Variants in MPPED1 observed in about 807,000 individuals in gnomAD.
MPPED1 encodes the protein metallophosphoesterase domain-containing protein 1.
A neutral mutation model predicts 36.2 loss-of-function variants in MPPED1; 16 were observed. That is an observed-to-expected ratio of 0.44 (90% CI 0.30 to 0.67). The LOEUF (loss-of-function observed/expected upper bound fraction) is 0.67, where lower values mean the gene tolerates loss of function less well. MPPED1 is among the 30% of genes least tolerant of loss of function. MPPED1 has a pLI of 0.10. For synonymous variants in MPPED1, 199 were observed against 191.3 expected (o/e 1.04, Z -0.33); for missense variants, 307 against 453.4 (o/e 0.68, Z 2.93).
chr22:43,416,293 T>G (rs1274424740), intron 1 of MPPED1, among the ~76,000 whole-genome samples: 2 of 152,234 alleles, frequency 1.3e-5, no homozygotes, highest in Non-Finnish European at 2.9e-5. Context: ...TGCAAATTCC[T>G]GCACCATCAC....
At chr22:43,482,335 C>T (rs906105030) in intron 4 of MPPED1, among the ~76,000 whole-genome samples, 2 of 152,194 alleles carry the variant, frequency 1.3e-5, no homozygotes, top group Non-Finnish European at 1.5e-5. Flanking sequence ...TGAGAAGTGG[C>T]TGCCGGGCCC....
At chr22:43,467,192 C>A (rs362126) in intron 3 of MPPED1, among the ~76,000 whole-genome samples, 6 of 152,116 alleles carry the variant, frequency 3.9e-5, no homozygotes, top group Non-Finnish European at 8.8e-5. Context: ...AGGCTACGCC[C>A]CCTGCACCCC....
chr22:43,471,466 G>T (rs781402270), intron 3 of MPPED1, among the ~76,000 whole-genome samples: 1 of 152,226 alleles, frequency 6.6e-6, no homozygotes, highest in South Asian at 2.1e-4. Flanking sequence ...CTCCACAGCC[G>T]TGGGGCCTGG....
At chr22:43,470,167 C>T (rs1458399296) in intron 3 of MPPED1, among the ~76,000 whole-genome samples, 1 of 151,372 alleles carries the variant, frequency 6.6e-6, no homozygotes, top group South Asian at 2.1e-4. Context: ...TATATCCATA[C>T]ATATATAAAG....
At chr22:43,480,294 T>G (rs1231272521) in intron 4 of MPPED1, among the ~76,000 whole-genome samples, 5 of 152,164 alleles carry the variant, frequency 3.3e-5, no homozygotes, top group African/African-American at 1.2e-4. Context: ...GGCCTGTGAC[T>G]GTTGGCATCC....
intron 5 of MPPED1, 72 bp downstream of exon 5, chr22:43,498,422 G>C: frequency 7.9e-7 from 1 of 1,265,098 alleles, no homozygotes; most frequent in East Asian, 2.6e-5. Flanking sequence ...ATGGGGGGCT[G>C]GCTGGGCCTG....
rs1424283179 is a variant in MPPED1 at position 43,506,284 on chromosome 22, A to T, written c.*668A>T. ...TAGGCATTCACTCGGAGCCTGGATGATGGGGGCTGGTTCTACAGAATGAGC... is the reference window on the plus strand; with the variant it reads ...TAGGCATTCACTCGGAGCCTGGATGTTGGGGGCTGGTTCTACAGAATGAGC... On this transcript the variant is annotated 3_prime_UTR_variant, in exon 7 of 7. Coordinates refer to ENST00000443721, the MANE Select transcript of MPPED1 (RefSeq NM_001044370.2). 1 of 152,548 alleles carries T rather than the reference A, an allele frequency of 6.6e-6. No individual in the cohort carries two copies. 9.4% of individuals were successfully genotyped at this position (152,548 alleles called of 1,614,324 possible).
At chr22:43,432,884 AG>A (rs1929804445) in intron 2 of MPPED1, among the ~76,000 whole-genome samples, 1 of 95,186 alleles carries the variant, frequency 1.1e-5, no homozygotes, top group Admixed American at 1.2e-4. Context: ...AGAGGGAAAG[AG>A]AAAGGGAGGA....
chr22:43,447,883 A>ATATATATT (rs1321289636), intron 3 of MPPED1, among the ~76,000 whole-genome samples: 756 of 67,684 alleles, frequency 0.011, 15 homozygotes, highest in Middle Eastern at 0.019. Context: ...ATATATATAT[A>ATATATATT]TTTTTTTTTT....
At chr22:43,446,292 C>T (rs973240142) in intron 3 of MPPED1, among the ~76,000 whole-genome samples, 4 of 152,330 alleles carry the variant, frequency 2.6e-5, no homozygotes, top group African/African-American at 9.6e-5. Context: ...ATTTTCTGCA[C>T]TGGGCGTGAT....
At chr22:43,444,430 G>C (rs977885218) in intron 3 of MPPED1, among the ~76,000 whole-genome samples, 10 of 145,528 alleles carry the variant, frequency 6.9e-5, no homozygotes, top group Non-Finnish European at 1.3e-4. Flanking sequence ...GCAACGGCGC[G>C]ATCTCAGCTC....
rs776108565 is a variant in MPPED1 at position 43,447,883 on chromosome 22, ATTTT to A, written c.406+12679_406+12682del. Among the ~76,000 whole-genome samples, 66 of 67,704 alleles carry A rather than the reference ATTTT, an allele frequency of 9.7e-4. 1 individual carries two copies. The highest frequency in any genetic ancestry group is 4.0e-3 in the African/African-American group (59 of 14,936). The allele number at this position is 67,704 out of a possible 152,430, so 44.4% of individuals were successfully genotyped here. ...ATTATATATATATATATATATATAT[ATTTT>A]TTTTTTTTTTAGACAAAGTCTCGCC... On this transcript the variant is annotated intron_variant, in intron 3 of 6. Coordinates refer to ENST00000443721, the MANE Select transcript of MPPED1 (RefSeq NM_001044370.2).
intron 3 of MPPED1, among the ~76,000 whole-genome samples, chr22:43,449,380 G>C (rs954041599): frequency 6.6e-6 from 1 of 151,872 alleles, no homozygotes; most frequent in Non-Finnish European, 1.5e-5. Flanking sequence ...GATCTGGATC[G>C]TCAGGTACAC....
In MPPED1 at chr22:43,502,023, G is replaced by A. The variant is rs761895941; in HGVS notation, c.749-621G>A. Among the ~76,000 whole-genome samples, 7 of 152,224 alleles carry A rather than the reference G, an allele frequency of 4.6e-5. No individual in the cohort carries two copies. The highest frequency in any genetic ancestry group is 1.0e-4 in the Non-Finnish European group (7 of 68,024). ...TGCTTGGAGTAATCAATTATTCTCC[G>A]TTTGTGTAGCCATGTGAGGATAATA... On this transcript the variant is annotated intron_variant, in intron 5 of 6. Coordinates refer to ENST00000443721, the MANE Select transcript of MPPED1 (RefSeq NM_001044370.2). This position sits in a 1 kb window ranked among gnomAD's most constrained non-coding sequence, Gnocchi z 5.5.
chr22:43,429,096 G>T (rs927619495), intron 2 of MPPED1, among the ~76,000 whole-genome samples: 2 of 152,204 alleles, frequency 1.3e-5, no homozygotes. Flanking sequence ...AGCAGAGTGG[G>T]ATGGAAGGCC....
At chr22:43,444,286 GTGTGTGT>G (rs1930255595) in intron 3 of MPPED1, among the ~76,000 whole-genome samples, 1 of 13,708 alleles carries the variant, frequency 7.3e-5, no homozygotes. Flanking sequence ...TGGGGTGTGT[GTGTGTGT>G]GTGTGTGTGT....
intron 1 of MPPED1, among the ~76,000 whole-genome samples, chr22:43,417,205 TTGCAAGG>T (rs1376750523): frequency 6.6e-6 from 1 of 152,228 alleles, no homozygotes; most frequent in African/African-American, 2.4e-5. Flanking sequence ...GTTGATCCTT[TTGCAAGG>T]AATAGGGGCT....
At chr22:43,414,015 C>G (rs1024704236) in intron 1 of MPPED1, among the ~76,000 whole-genome samples, 2 of 152,156 alleles carry the variant, frequency 1.3e-5, no homozygotes, top group African/African-American at 4.8e-5. Context: ...CCGTGGTACG[C>G]TTAGAATCAC....
intron 4 of MPPED1, among the ~76,000 whole-genome samples, chr22:43,494,265 C>T (rs928216957): frequency 6.6e-6 from 1 of 152,170 alleles, no homozygotes. Context: ...GTCTTGCATT[C>T]GAGGGCTCAA....
Sources: allele counts gnomAD v4.1 joint callset (sites outside exome capture counted in the v4.1 genomes callset), GRCh38; gene constraint gnomAD v4.1.1; non-coding constraint Gnocchi (gnomAD v3.1); transcripts MANE v1.5; gene names NCBI Gene and HGNC (gene_info 2026-07-23, HGNC 2026-07-21).